The following NEB variants were observed in gnomAD, a reference collection of about 807,000 sequenced individuals.
NEB encodes the protein nemaline myopathy type 2.
A neutral mutation model predicts 952.2 loss-of-function variants in NEB; 512 were observed. The ratio of observed to expected loss-of-function variants is 0.54; its 90% CI spans 0.50 to 0.58. NEB has a LOEUF of 0.58. NEB is among the 20% of genes least tolerant of loss of function. NEB has a pLI of 0.00. For synonymous variants in NEB, 2,900 were observed against 3,149.8 expected (o/e 0.92, Z 2.66); for missense variants, 8,428 against 9,231.1 (o/e 0.91, Z 3.56).
intron 73 of NEB, 37 bp downstream of exon 73, chr2:151,619,414 G>T: frequency 6.5e-7 from 1 of 1,545,168 alleles, no homozygotes; most frequent in African/African-American, 1.4e-5. Flanking sequence ...TTTCAGATCC[G>T]CTTTTAACAT....
intron 156 of NEB, among the ~76,000 whole-genome samples, chr2:151,517,949 C>T (rs1188583120): frequency 2.0e-5 from 3 of 152,110 alleles, no homozygotes; most frequent in Non-Finnish European, 4.4e-5. Context: ...CAGTAGTAGA[C>T]CTGATCGTAT....
rs769578834 is a variant in NEB at position 151,627,819 on chromosome 2, C to T, written c.9847G>A (p.Gly3283Ser). Residue 3283 changes from glycine to serine, a missense_variant, in exon 69 of 182, where the codon GGT (glycine) becomes AGT (serine). Gly to Ser is a moderately conservative substitution (Grantham distance 56). This residue lies in a region of NEB where 1,772 missense variants were observed against 1,960.3 expected (regional missense o/e 0.90). Transcript: ENST00000397345. ...DVISDYKYKD[G>S]YRKQLGHHIG... is the part of the protein sequence containing the mutation. The stretch of plus-strand genomic sequence containing the variant: ...TGGTGGCCGAGCTGCTTGCGGTAAC[C>T]ATCTTTGTATTTGTACTGAAATAAA... 45 of 1,613,766 alleles carry T rather than the reference C, an allele frequency of 2.8e-5. No homozygotes were observed. Among genetic ancestry groups the T allele is most frequent in the Non-Finnish European group, 3.7e-5 (44 of 1,179,722 alleles).
At chr2:151,502,932 G>T in intron 166 of NEB, 47 bp from the exon 167 acceptor site, 1 of 1,179,158 alleles carries the variant, frequency 8.5e-7, no homozygotes. Flanking sequence ...AACAGGCACA[G>T]AGAGTAAGGA....
intron 63 of NEB, 129 bp downstream of exon 63, chr2:151,639,151 G>C (rs1293390097): frequency 3.0e-6 from 2 of 666,782 alleles, no homozygotes; most frequent in Admixed American, 2.8e-5. Flanking sequence ...ATTGAGAAAT[G>C]CAAGAGTTGT....
At chr2:151,551,996 G>A (rs1262938339) in intron 128 of NEB, among the ~76,000 whole-genome samples, 151 bp from the exon 129 acceptor site, 1 of 152,172 alleles carries the variant, frequency 6.6e-6, no homozygotes, top group Non-Finnish European at 1.5e-5. Flanking sequence ...CCAGCGTGTG[G>A]ACACTCACAC....
At chr2:151,637,258 C>A (rs2098778966) in intron 63 of NEB, among the ~76,000 whole-genome samples, 1 of 152,078 alleles carries the variant, frequency 6.6e-6, no homozygotes, top group South Asian at 2.1e-4. Context: ...GATGGGGTGA[C>A]CTTTGAGTTA....
At chr2:151,553,802 G>A in intron 126 of NEB, 26 bp downstream of exon 126, 1 of 1,586,418 alleles carries the variant, frequency 6.3e-7, no homozygotes, top group Non-Finnish European at 8.6e-7. Flanking sequence ...GGCCGTGGAG[G>A]GGTACTTCTT....
At chr2:151,623,098 GT>G (rs1166081452) in intron 71 of NEB, among the ~76,000 whole-genome samples, 3 of 152,294 alleles carry the variant, frequency 2.0e-5, no homozygotes, top group Admixed American at 1.3e-4. Flanking sequence ...GAAAGCCTTT[GT>G]GTAACCTCAA....
intron 13 of NEB, among the ~76,000 whole-genome samples, chr2:151,705,231 A>G (rs1220890951): frequency 6.6e-6 from 1 of 152,146 alleles, no homozygotes; most frequent in African/African-American, 2.4e-5. Flanking sequence ...CTCTGCCAGG[A>G]TTTACCTTTA....
chr2:151,553,458 G>A lies in NEB; in HGVS notation c.19671C>T (p.Cys6557=). The change falls in exon 127 of 182, where the codon TGC becomes TGT. Residue 6557 remains cysteine (C), a synonymous_variant. Transcript: ENST00000397345. ...DDLNWLKGIG[C]YVWDTPEILH... ...GGATTTCAGGAGTGTCCCAGACGTA[G>A]CAACCAATGCCTTTCAGCCAGTTGA... 1 of 1,613,698 alleles carries A rather than the reference G, an allele frequency of 6.2e-7. No homozygotes were observed. The highest frequency in any genetic ancestry group is 8.5e-7 in the Non-Finnish European group (1 of 1,179,686).
intron 181 of NEB, among the ~76,000 whole-genome samples, chr2:151,487,249 A>G (rs964162436): frequency 6.6e-6 from 1 of 152,234 alleles, no homozygotes; most frequent in East Asian, 1.9e-4. Context: ...TCTCAAAGCT[A>G]TCCTCCACAG....
chr2:151,518,128 A>G lies in NEB; in HGVS notation c.22800+190T>C, dbSNP rs117784928. Among the ~76,000 whole-genome samples the G allele has an allele frequency of 2.3e-3, 344 of 152,300 alleles. 8 individuals are homozygous for G. In the East Asian group the frequency reaches 0.044, roughly 20 times the overall value. ...GCCAGTAGCACATAATTGCATGTATATTTCTCAACTATATGTAGATGTTGT... is the reference window on the plus strand; with the variant it reads ...GCCAGTAGCACATAATTGCATGTATGTTTCTCAACTATATGTAGATGTTGT... On this transcript the variant is annotated intron_variant, in intron 156 of 181. Coordinates refer to ENST00000397345, the MANE Select transcript of NEB (RefSeq NM_001164508.2).
chr2:151,694,834 G>T (rs917518627), intron 18 of NEB, among the ~76,000 whole-genome samples: 1 of 152,028 alleles, frequency 6.6e-6, no homozygotes, highest in African/African-American at 2.4e-5. Flanking sequence ...CTCCCCATGA[G>T]AATTTTTTAT....
chr2:151,653,271 TG>T (rs2154141280), intron 52 of NEB, among the ~76,000 whole-genome samples: 1 of 152,338 alleles, frequency 6.6e-6, no homozygotes, highest in African/African-American at 2.4e-5. Context: ...ATTAACAAAA[TG>T]ATATGCTAGC....
chr2:151,659,163 A>G lies in NEB; in HGVS notation c.5977T>C (p.Tyr1993His). ...TTGTCAGCCTCCCATGCTTGTTTGT[A>G]GAGATGCTAGGAAAAAAACAGTGTA... ...NNAKIMNEHL[Y>H]KQAWEADKTK... The change falls in exon 47 of 182, where the codon TAC becomes CAC. Residue 1993 changes from tyrosine (Y) to histidine (H), a missense_variant. Coordinates refer to ENST00000397345, the MANE Select transcript of NEB (RefSeq NM_001164508.2). 1 of 1,605,292 alleles carries G rather than the reference A, an allele frequency of 6.2e-7. No individual in the cohort carries two copies. Among genetic ancestry groups the G allele is most frequent in the South Asian group, 1.1e-5 (1 of 90,856 alleles).
Position 151,655,898 on chromosome 2 carries a change from G to A in NEB, c.6621C>T (p.His2207=), listed in dbSNP as rs1433926399. ...EYASDQKYRQ[H]PSNFQFKKLT... ...GCTTCTTAAACTGGAAGTTGCTCGG[G>A]TGCTGGCGGTATTTCTGATCACTGG... Residue 2207 remains histidine (H), a synonymous_variant, in exon 50 of 182, where the codon CAC becomes CAT. Coordinates refer to ENST00000397345, the MANE Select transcript of NEB (RefSeq NM_001164508.2). 2 of 1,613,792 alleles carry A rather than the reference G, an allele frequency of 1.2e-6. No homozygotes were observed. Among genetic ancestry groups the A allele is most frequent in the African/African-American group, 2.7e-5 (2 of 74,988 alleles).
At chr2:151,700,813 G>A (rs1331762017) in intron 13 of NEB, among the ~76,000 whole-genome samples, 2 of 134,510 alleles carry the variant, frequency 1.5e-5, no homozygotes, top group African/African-American at 5.6e-5. Context: ...TCTGCAAACA[G>A]GGACAATTTG....
chr2:151,493,331 TC>T (rs772704320), intron 176 of NEB, 21 bp downstream of exon 176: 8 of 1,557,112 alleles, frequency 5.1e-6, no homozygotes, highest in Non-Finnish European at 6.2e-6. Flanking sequence ...TTGCACTATT[TC>T]TTTTTAGTCC....
intron 161 of NEB, among the ~76,000 whole-genome samples, chr2:151,512,237 T>G (rs1427969894): frequency 6.6e-6 from 1 of 152,056 alleles, no homozygotes; most frequent in East Asian, 1.9e-4. Context: ...AGTTTCACCG[T>G]GTTAGCCAGG....
Sources: gnomAD v4.1 joint callset for allele counts (sites outside exome capture counted in the v4.1 genomes callset) on GRCh38, gnomAD v4.1.1 for gene constraint, gnomAD v4.1.1 regional missense constraint, MANE v1.5 for transcripts, NCBI Gene and HGNC (gene_info 2026-07-23, HGNC 2026-07-21) for gene names.